Variants in JAK3 observed in about 807,000 individuals in gnomAD.
JAK3 encodes the protein tyrosine-protein kinase JAK3.
Under a neutral mutation model 120.8 loss-of-function variants are expected in JAK3, and 88 were observed. The observed-to-expected ratio is 0.73, with a 90% CI of 0.61 to 0.87. The LOEUF is 0.87. Among genes scored for constraint, JAK3 ranks in the 40% least tolerant of loss-of-function variants. The pLI is 0.00. For synonymous variants in JAK3, 592 were observed against 628.6 expected, an observed-to-expected ratio of 0.94 and a Z score of 0.87; for missense variants, 1,254 against 1,501.4, an observed-to-expected ratio of 0.84 and a Z score of 2.72.
rs2094216933 is a variant in JAK3, at chr19:17,832,850, G to A, written c.2430C>T (p.Ala810=). The A allele has an allele frequency of 6.2e-7, 1 of 1,614,262 alleles. No homozygotes were observed. Among genetic ancestry groups the A allele is most frequent in the African/African-American group, 1.3e-5 (1 of 75,068 alleles). Residue 810 remains alanine (A), a synonymous_variant, in exon 18 of 24, where the codon GCC becomes GCT. Coordinates refer to ENST00000458235, the MANE Select transcript of JAK3 (RefSeq NM_000215.4). This position sits in a 1 kb window ranked among gnomAD's most constrained non-coding sequence, Gnocchi z 4.7. The stretch of plus-strand genomic sequence containing the variant: ...CCTCGAAGATCGTGGGGTCTTGGCA[G>A]GCATAGAGCTGGGCACCATTCCACA... The part of the protein sequence containing the change: ...DGLWNGAQLY[A]CQDPTIFEER...
Position 17,841,695 on chromosome 19 carries a change from C to T in JAK3, c.929G>A (p.Gly310Asp), listed in dbSNP as rs1599877889. Reference sequence around the variant, plus strand: ...GACCAGGCGGTGCTCTCCGGCCGGGCCAACGCGCGGGGCCTGCTTGATGCT... The same window carrying T: ...GACCAGGCGGTGCTCTCCGGCCGGGTCAACGCGCGGGGCCTGCTTGATGCT... ...DISIKQAPRV[G>D]PAGEHRLVTV... Residue 310 changes from glycine (G) to aspartate (D), a missense_variant, in exon 7 of 24, where the codon GGC becomes GAC. By Grantham distance (94) the Gly-to-Asp change is moderately conservative. Around this residue, in one of 3 missense-constraint regions of JAK3, gnomAD observed 486 missense variants for 503.0 expected, o/e 0.97. Transcript: ENST00000458235. This position sits in a 1 kb window ranked among gnomAD's most constrained non-coding sequence, Gnocchi z 4.1. 2 of 1,613,748 alleles carry T rather than the reference C, an allele frequency of 1.2e-6. No homozygotes were observed. The highest frequency in any genetic ancestry group is 1.7e-6 in the Non-Finnish European group (2 of 1,179,980).
chr19:17,836,750 C>G (rs896844922), intron 13 of JAK3: 6 of 440,906 alleles, frequency 1.4e-5, no homozygotes, highest in African/African-American at 9.8e-5. Context: ...CACAGTGCTC[C>G]GTGCTGCCCT....
At chr19:17,829,102 T>C (rs2094209138) in intron 23 of JAK3, among the ~76,000 whole-genome samples, 1 of 152,114 alleles carries the variant, frequency 6.6e-6, no homozygotes, top group South Asian at 2.1e-4. Context: ...AAGACCAGCC[T>C]GGGCAACATA....
At chr19:17,835,775 A>T in intron 14 of JAK3, 149 bp downstream of exon 14, 1 of 913,352 alleles carries the variant, frequency 1.1e-6, no homozygotes, top group Non-Finnish European at 1.7e-6. Context: ...GTTCTCTTCT[A>T]GTGTTCTCAC....
At chr19:17,833,336 A>T (rs1031294848) in intron 17 of JAK3, among the ~76,000 whole-genome samples, 1 of 152,098 alleles carries the variant, frequency 6.6e-6, no homozygotes, top group Admixed American at 6.6e-5. Flanking sequence ...AGAGGATCCA[A>T]CGGGGACCCA....
At chr19:17,829,858 T>C (rs986517927) in intron 23 of JAK3, 1 of 595,046 alleles carries the variant, frequency 1.7e-6, no homozygotes, top group Non-Finnish European at 3.0e-6. Flanking sequence ...GGCACAGGTG[T>C]TCAGGAGTCT....
At chr19:17,827,914 A>C (rs903565849) in intron 23 of JAK3, among the ~76,000 whole-genome samples, 1 of 150,516 alleles carries the variant, frequency 6.6e-6, no homozygotes, top group African/African-American at 2.4e-5. Context: ...AAAAAAAAAA[A>C]ACAACAAAAA....
rs1315172619 is a variant in JAK3 at position 17,831,377 on chromosome 19, G to A, written c.2829C>T (p.Arg943=). 6.2e-7 allele frequency: 1 copy of A among 1,606,482 alleles called. No homozygotes were observed. The highest frequency in any genetic ancestry group is 2.2e-5 in the East Asian group (1 of 44,870). ...ICKGMEYLGS[R]RCVHRDLAAR... is the part of the protein sequence containing the mutation. ...CGGCCAGGTCGCGGTGCACGCAGCGGCGGGAGCCCAGGTACTCCATGCCCT... is the reference window on the plus strand; with the variant it reads ...CGGCCAGGTCGCGGTGCACGCAGCGACGGGAGCCCAGGTACTCCATGCCCT... The change falls in exon 21 of 24, where the codon CGC becomes CGT. Residue 943 remains arginine, a synonymous_variant. Transcript: ENST00000458235. The surrounding 1 kb of genome is among the most constrained non-coding windows in gnomAD (Gnocchi z 5.1).
intron 14 of JAK3, 44 bp from the exon 15 acceptor site, chr19:17,835,259 A>T: frequency 3.1e-6 from 5 of 1,604,878 alleles, no homozygotes; most frequent in Non-Finnish European, 3.4e-6. Flanking sequence ...GGGTTTGATG[A>T]ATGAAGAGTC....
chr19:17,843,081 G>A lies in JAK3; in HGVS notation c.512C>T (p.Ala171Val), dbSNP rs764890523. Residue 171 changes from alanine to valine, a missense_variant, in exon 5 of 24, where the codon GCC becomes GTC. By Grantham distance (64) the Ala-to-Val change is moderately conservative. Around this residue, in one of 3 missense-constraint regions of JAK3, gnomAD observed 486 missense variants for 503.0 expected, o/e 0.97. Coordinates refer to ENST00000458235, the MANE Select transcript of JAK3 (RefSeq NM_000215.4). This position sits in a 1 kb window ranked among gnomAD's most constrained non-coding sequence, Gnocchi z 5.4. ...ECLSLAVLDL[A>V]RMAREQAQRP... ...CTGGGCCTGCTCTCGCGCCATCCGG[G>A]CCAGGTCCAACACGGCCAGGCTGAG... The A allele has an allele frequency of 3.1e-6, 5 of 1,610,688 alleles. 1 individual carries two copies. In the Admixed American group the frequency reaches 8.3e-5, roughly 27 times the overall value.
rs1403355661 is a variant in JAK3 at position 17,831,394 on chromosome 19, C to T, written c.2812G>A (p.Glu938Lys). 1.2e-6 allele frequency: 2 copies of T among 1,603,802 alleles called. No individual in the cohort carries two copies. Among genetic ancestry groups the T allele is most frequent in the Non-Finnish European group, 1.7e-6 (2 of 1,179,720 alleles). Residue 938 changes from glutamate to lysine, a missense_variant, in exon 21 of 24, where the codon GAG becomes AAG. Transcript: ENST00000458235. The surrounding 1 kb of genome is among the most constrained non-coding windows in gnomAD (Gnocchi z 5.1). The part of the protein sequence containing the change: ...LYSSQICKGM[E>K]YLGSRRCVHR... ...ACGCAGCGGCGGGAGCCCAGGTACT[C>T]CATGCCCTGCGGGCGGGCGGTGTGA...
intron 2 of JAK3, 124 bp downstream of exon 2, chr19:17,844,110 C>G: frequency 8.1e-7 from 1 of 1,231,310 alleles, no homozygotes; most frequent in East Asian, 2.5e-5. Flanking sequence ...TTACAAAACT[C>G]CTACTCATCC....
chr19:17,839,815 A>C, intron 9 of JAK3, 152 bp from the exon 10 acceptor site: 1 of 700,618 alleles, frequency 1.4e-6, no homozygotes, highest in Non-Finnish European at 2.3e-6. Flanking sequence ...ACCTTGGCTC[A>C]CTGCAACCTC....
Position 17,839,602 on chromosome 19 carries a change from A to G in JAK3, c.1316T>C (p.Leu439Pro), listed in dbSNP as rs757563061. ...LIRRSPTGTF[L>P]LVGLSRPHSS... is the part of the protein sequence containing the mutation. ...GTGGGGTCGGCTGAGGCCAACCAGA[A>G]GGAAGGTTCCTGTGGGGCTGCGCCG... Residue 439 changes from leucine (L) to proline (P), a missense_variant, in exon 10 of 24, where the codon CTT becomes CCT. Coordinates refer to ENST00000458235, the MANE Select transcript of JAK3 (RefSeq NM_000215.4). The G allele has an allele frequency of 6.2e-7, 1 of 1,612,648 alleles. No individual in the cohort carries two copies.
Position 17,835,091 on chromosome 19 carries a change from C to T in JAK3, c.2039G>A (p.Ser680Asn). 6.2e-7 allele frequency: 1 copy of T among 1,614,182 alleles called. No individual in the cohort carries two copies. The highest frequency in any genetic ancestry group is 8.5e-7 in the Non-Finnish European group (1 of 1,180,038). Residue 680 changes from serine to asparagine, a missense_variant, in exon 15 of 24, where the codon AGC becomes AAC. This residue lies in a region of JAK3 where 630 missense variants were observed against 819.8 expected (regional missense o/e 0.77). Coordinates refer to ENST00000458235, the MANE Select transcript of JAK3 (RefSeq NM_000215.4). Reference protein sequence around the residue: ...SDPGVSPAVLSLEMLTDRIPW... With the variant: ...SDPGVSPAVLNLEMLTDRIPW... Reference sequence around the variant, plus strand: ...CACCTCCAGGAACTTACTCTCCAGGCTTAACACAGCGGGGCTGACCCCAGG... The same window carrying T: ...CACCTCCAGGAACTTACTCTCCAGGTTTAACACAGCGGGGCTGACCCCAGG...
rs1269586062 is a variant in JAK3 at position 17,826,001 on chromosome 19, G to A, written c.*742C>T. The A allele has an allele frequency of 6.6e-6, 1 of 151,146 alleles. No individual in the cohort carries two copies. Among genetic ancestry groups the A allele is most frequent in the East Asian group, 1.9e-4 (1 of 5,178 alleles). 9.4% of individuals were successfully genotyped at this position (151,146 alleles called of 1,614,324 possible). A position where few individuals can be genotyped will look rare whatever the true frequency, so the allele number is the denominator to read the frequency against. ...TAGTCCCAGCTATTTAGGAGGATAA[G>A]GCAGGAGGATCACTGTAGCCCAGGA... On this transcript the variant is annotated 3_prime_UTR_variant, in exon 24 of 24. Coordinates refer to ENST00000458235, the MANE Select transcript of JAK3 (RefSeq NM_000215.4).
At chr19:17,834,420 G>A in intron 17 of JAK3, 151 bp downstream of exon 17, 1 of 737,788 alleles carries the variant, frequency 1.4e-6, no homozygotes, top group Non-Finnish European at 2.4e-6. Context: ...GTTCGTTACA[G>A]TAGCTGTTGA....
Position 17,842,257 on chromosome 19 carries a change from G to GCCCCAACCCCAGCCC in JAK3, c.861+58_861+59insGGGCTGGGGTTGGGG. 3 of 1,424,410 alleles carry GCCCCAACCCCAGCCC rather than the reference G, an allele frequency of 2.1e-6. No individual in the cohort carries two copies. The highest frequency in any genetic ancestry group is 2.8e-6 in the Non-Finnish European group (3 of 1,079,038). The allele number at this position is 1,424,410 out of a possible 1,614,324, so 88.2% of individuals were successfully genotyped here. The stretch of plus-strand genomic sequence containing the variant: ...GCCCCACATCCCCTACCACTCTCCG[G>GCCCCAACCCCAGCCC]CCCCTCCCCGAGCCCCGCCCCCACG... On this transcript the variant is annotated intron_variant, in intron 6 of 23. Transcript: ENST00000458235. This position sits in a 1 kb window ranked among gnomAD's most constrained non-coding sequence, Gnocchi z 6.4.
chr19:17,839,566 C>G lies in JAK3; in HGVS notation c.1352G>C (p.Arg451Pro), dbSNP rs145751599. 5 of 1,609,860 alleles carry G rather than the reference C, an allele frequency of 3.1e-6. No individual in the cohort carries two copies. The highest frequency in any genetic ancestry group is 4.2e-6 in the Non-Finnish European group (5 of 1,178,380). Reference sequence around the variant, plus strand: ...ATCCCAGCAGGTTGCCAGGAGCTCTCGAAGACTGCTGTGGGGTCGGCTGAG... The same window carrying G: ...ATCCCAGCAGGTTGCCAGGAGCTCTGGAAGACTGCTGTGGGGTCGGCTGAG... ...VGLSRPHSSL[R>P]ELLATCWDGG... is the part of the protein sequence containing the mutation. Residue 451 changes from arginine to proline, a missense_variant, in exon 10 of 24, where the codon CGA (arginine) becomes CCA (proline). By Grantham distance (103) the Arg-to-Pro change is moderately radical (BLOSUM62 -2). This residue lies in a region of JAK3 where 486 missense variants were observed against 503.0 expected (regional missense o/e 0.97). Transcript: ENST00000458235.
Sources: gnomAD v4.1 joint callset for allele counts (sites outside exome capture counted in the v4.1 genomes callset) on GRCh38, gnomAD v4.1.1 for gene constraint, gnomAD v4.1.1 regional missense constraint, Gnocchi (gnomAD v3.1) non-coding constraint, MANE v1.5 for transcripts, NCBI Gene and HGNC (gene_info 2026-07-23, HGNC 2026-07-21) for gene names.